Variants in CAMK1D observed in about 807,000 individuals in gnomAD.
CAMK1D encodes the protein calcium/calmodulin-dependent protein kinase type 1D.
A neutral mutation model predicts 47.7 loss-of-function variants in CAMK1D; 9 were observed. The observed-to-expected ratio is 0.19, with a 90% CI of 0.11 to 0.33. The LOEUF is 0.33. CAMK1D is among the 10% of genes least tolerant of loss of function. The pLI, the probability that CAMK1D is intolerant of heterozygous loss-of-function variation, is 1.00. For missense variants in CAMK1D, 291 were observed against 488.7 expected, an observed-to-expected ratio of 0.60 and a Z score of 3.81; for synonymous variants, 184 against 184.9, an observed-to-expected ratio of 0.99 and a Z score of 0.04.
chr10:12,658,290 TG>T (rs1403899123), intron 2 of CAMK1D, among the ~76,000 whole-genome samples: 1 of 152,084 alleles, frequency 6.6e-6, no homozygotes, highest in Non-Finnish European at 1.5e-5. Flanking sequence ...AGGAGAGTGA[TG>T]AGCACACTCA....
intron 2 of CAMK1D, among the ~76,000 whole-genome samples, chr10:12,611,609 T>TTTTTTTTTTTTTTG (rs1554796845): frequency 5.6e-5 from 7 of 124,768 alleles, no homozygotes; most frequent in Admixed American, 1.9e-4. Context: ...TTTTTTTTTT[T>TTTTTTTTTTTTTTG]GAGACAGAGT....
intron 1 of CAMK1D, among the ~76,000 whole-genome samples, chr10:12,526,407 G>GCATA (rs1161260849): frequency 6.6e-6 from 1 of 152,154 alleles, no homozygotes; most frequent in Non-Finnish European, 1.5e-5. Flanking sequence ...TTGTGCTGAT[G>GCATA]CATACACAGA....
Position 12,501,166 on chromosome 10 carries a change from C to G in CAMK1D, c.93-52059C>G, listed in dbSNP as rs117231526. ...ACAGGGAAAATGGAACTTGGTAGTC[C>G]CAGCCTAAGTGGGTTGTAGCAATTT... On this transcript the variant is annotated intron_variant, in intron 1 of 10. Coordinates refer to ENST00000619168, the MANE Select transcript of CAMK1D (RefSeq NM_153498.4). 6.4e-3 allele frequency among the ~76,000 whole-genome samples: 981 copies of G among 152,268 alleles called. 12 individuals are homozygous for G. Among genetic ancestry groups the G allele is most frequent in the Admixed American group, 0.021 (322 of 15,298 alleles).
chr10:12,395,234 T>C (rs1255610917), intron 1 of CAMK1D, among the ~76,000 whole-genome samples: 1 of 151,828 alleles, frequency 6.6e-6, no homozygotes. Context: ...CAAGTAATTT[T>C]TTTTAATTAA....
chr10:12,413,075 T>G (rs979140337), intron 1 of CAMK1D, among the ~76,000 whole-genome samples: 2 of 152,158 alleles, frequency 1.3e-5, no homozygotes, highest in African/African-American at 4.8e-5. Context: ...TACCTGAGAC[T>G]GGGTAATTGA....
intron 1 of CAMK1D, among the ~76,000 whole-genome samples, chr10:12,444,854 G>A (rs998999292): frequency 6.6e-6 from 1 of 152,182 alleles, no homozygotes. Flanking sequence ...CAGGTAACAG[G>A]CTTCAGAGAG....
At chr10:12,682,668 T>C in intron 3 of CAMK1D, among the ~76,000 whole-genome samples, 1 of 152,078 alleles carries the variant, frequency 6.6e-6, no homozygotes, top group South Asian at 2.1e-4. Context: ...TTAGTAATCA[T>C]CAAATGCAAC....
At chr10:12,494,419 TACAC>T (rs1045603607) in intron 1 of CAMK1D, among the ~76,000 whole-genome samples, 1 of 151,860 alleles carries the variant, frequency 6.6e-6, no homozygotes, top group African/African-American at 2.4e-5. Flanking sequence ...CACACACACG[TACAC>T]ACACACACAT....
intron 1 of CAMK1D, among the ~76,000 whole-genome samples, chr10:12,411,078 A>G (rs1839639736): frequency 6.6e-6 from 1 of 152,180 alleles, no homozygotes; most frequent in South Asian, 2.1e-4. Context: ...GTAATGGATT[A>G]AGCTTCGAGC....
intron 3 of CAMK1D, among the ~76,000 whole-genome samples, chr10:12,736,452 T>C (rs1221684016): frequency 1.3e-5 from 2 of 152,238 alleles, no homozygotes; most frequent in Non-Finnish European, 2.9e-5. Flanking sequence ...ACTGAGAATT[T>C]ATTGATTTTT....
At chr10:12,431,946 A>T (rs1310079036) in intron 1 of CAMK1D, among the ~76,000 whole-genome samples, 1 of 152,236 alleles carries the variant, frequency 6.6e-6, no homozygotes, top group Non-Finnish European at 1.5e-5. Context: ...CAGGGTCTGG[A>T]GAGACCTGTC....
At chr10:12,424,221 G>A (rs1192760486) in intron 1 of CAMK1D, among the ~76,000 whole-genome samples, 6 of 152,074 alleles carry the variant, frequency 3.9e-5, no homozygotes, top group Non-Finnish European at 7.4e-5. Flanking sequence ...CAAGCCCAGT[G>A]TGAGTCTAAG....
chr10:12,616,030 TG>T (rs1838799122), intron 2 of CAMK1D, among the ~76,000 whole-genome samples: 1 of 151,298 alleles, frequency 6.6e-6, no homozygotes, highest in Non-Finnish European at 1.5e-5. Flanking sequence ...TTGCTGTGTG[TG>T]TGGGTGTGTG....
chr10:12,532,873 T>C (rs1227566298), intron 1 of CAMK1D, among the ~76,000 whole-genome samples: 1 of 146,452 alleles, frequency 6.8e-6, no homozygotes, highest in Non-Finnish European at 1.5e-5. Context: ...TCTCACCTAT[T>C]TGTGGGATCT....
rs10643491 is a variant in CAMK1D, at chr10:12,547,682, T to TCTCACACACACACACACACACA, written c.93-5542_93-5541insTCACACACACACACACACACAC. Among the ~76,000 whole-genome samples, 7 of 116,572 alleles carry TCTCACACACACACACACACACA rather than the reference T, an allele frequency of 6.0e-5. No homozygotes were observed. In the South Asian group the frequency reaches 2.0e-3, roughly 33 times the overall value. The allele number at this position is 116,572 out of a possible 152,430, so 76.5% of individuals were successfully genotyped here. ...CACTCTCTCTCTCTCTTTCTCTCTC[T>TCTCACACACACACACACACACA]CACACACACACACACACACCACTGT... On this transcript the variant is annotated intron_variant, in intron 1 of 10. Transcript: ENST00000619168.
At chr10:12,795,406 A>C (rs1200171590) in intron 6 of CAMK1D, among the ~76,000 whole-genome samples, 1 of 152,168 alleles carries the variant, frequency 6.6e-6, no homozygotes, top group Non-Finnish European at 1.5e-5. Context: ...CTGGTCTCCC[A>C]TTCCCACCTA....
rs113651636 is a variant in CAMK1D at position 12,609,382 on chromosome 10, T to C, written c.224+56026T>C. 1.9e-3 allele frequency among the ~76,000 whole-genome samples: 292 copies of C among 152,324 alleles called. 1 individual carries two copies. The highest frequency in any genetic ancestry group is 6.9e-3 in the African/African-American group (286 of 41,572). On this transcript the variant is annotated intron_variant, in intron 2 of 10. Coordinates refer to ENST00000619168, the MANE Select transcript of CAMK1D (RefSeq NM_153498.4). ...TTCGAGATGATTCCAGCACATTATA[T>C]TTATTGTGCACTTTATTTCTATTAT...
At position 12,505,602 on chromosome 10, in the gene CAMK1D, C is replaced by T. The variant is rs577969711; in HGVS notation, c.93-47623C>T. Among the ~76,000 whole-genome samples the T allele has an allele frequency of 4.6e-5, 7 of 152,306 alleles. No individual in the cohort carries two copies. In the South Asian group the frequency reaches 1.4e-3, roughly 32 times the overall value. ...AGATTGTGCTCATCAAAAGCAGTGTCTCTCCTTTATTGCTTGCTTGTCTGG... is the reference window on the plus strand; with the variant it reads ...AGATTGTGCTCATCAAAAGCAGTGTTTCTCCTTTATTGCTTGCTTGTCTGG... On this transcript the variant is annotated intron_variant, in intron 1 of 10. Transcript: ENST00000619168.
intron 1 of CAMK1D, among the ~76,000 whole-genome samples, chr10:12,544,915 C>T (rs537019123): frequency 4.3e-4 from 65 of 151,850 alleles, no homozygotes; most frequent in African/African-American, 1.3e-3. Flanking sequence ...TAGTGTTGAG[C>T]GGAAGGTCAT....
Sources: gnomAD v4.1 joint callset for allele counts (sites outside exome capture counted in the v4.1 genomes callset) on GRCh38, gnomAD v4.1.1 for gene constraint, MANE v1.5 for transcripts, NCBI Gene and HGNC (gene_info 2026-07-23, HGNC 2026-07-21) for gene names.